The following WDSUB1 variants were observed in gnomAD, a reference collection of about 807,000 sequenced individuals.
WDSUB1 encodes the protein WD repeat, SAM and U-box domain-containing protein 1.
Under a neutral mutation model 53.9 loss-of-function variants are expected in WDSUB1, and 49 were observed. That is an observed-to-expected ratio of 0.91 (90% CI 0.72 to 1.15). WDSUB1 has a LOEUF of 1.15. Ranked by LOEUF, WDSUB1 falls within the 50% of genes most tolerant of loss-of-function variation. WDSUB1 has a pLI of 0.00. For synonymous variants in WDSUB1, 194 were observed against 200.6 expected (o/e 0.97, Z 0.28); for missense variants, 514 against 562.0 (o/e 0.91, Z 0.86).
chr2:159,259,824 T>C lies in WDSUB1; in HGVS notation c.790A>G (p.Ile264Val), dbSNP rs752424863. 84 of 1,529,092 alleles carry C rather than the reference T, an allele frequency of 5.5e-5. No homozygotes were observed. Among genetic ancestry groups the C allele is most frequent in the Non-Finnish European group, 7.0e-5 (79 of 1,122,692 alleles). 94.7% of individuals were successfully genotyped at this position (1,529,092 alleles called of 1,614,324 possible). Reference sequence around the variant, plus strand: ...TAAATACTTACAGTATCATATACTATGACAGACTTATCCACTGACCTTAAA... The same window carrying C: ...TAAATACTTACAGTATCATATACTACGACAGACTTATCCACTGACCTTAAA... ...LVSGSVDKSV[I>V]VYDTNTENIL... The change falls in exon 6 of 11, where the codon ATA becomes GTA. Residue 264 changes from isoleucine (I) to valine (V), a missense_variant. Coordinates refer to ENST00000359774, the MANE Select transcript of WDSUB1 (RefSeq NM_001128212.3).
chr2:159,268,378 G>A (rs1317420402), intron 5 of WDSUB1, among the ~76,000 whole-genome samples: 1 of 152,172 alleles, frequency 6.6e-6, no homozygotes, highest in Non-Finnish European at 1.5e-5. Flanking sequence ...ACTTTCCAAT[G>A]ATTTAAATTC....
At chr2:159,261,627 G>A (rs1338689306) in intron 5 of WDSUB1, among the ~76,000 whole-genome samples, 1 of 151,704 alleles carries the variant, frequency 6.6e-6, no homozygotes, top group Non-Finnish European at 1.5e-5. Context: ...CACAACTAAA[G>A]AGTGATGTCA....
rs1419574975 is a variant in WDSUB1, at chr2:159,282,988, A to C, written c.82T>G (p.Cys28Gly). The C allele has an allele frequency of 1.9e-6, 3 of 1,614,110 alleles. No individual in the cohort carries two copies. The African/African-American group carries it at 4.0e-5, about 22-fold the overall frequency. The change falls in exon 2 of 11, where the codon TGC becomes GGC. Residue 28 changes from cysteine (C) to glycine (G), a missense_variant. Transcript: ENST00000359774. Reference protein sequence around the residue: ...CAFSFSLLATCSLDKTIRLYS... With the variant: ...CAFSFSLLATGSLDKTIRLYS... The stretch of plus-strand genomic sequence containing the variant: ...AGGCGAATTGTTTTGTCCAAGGAGC[A>C]AGTAGCCAAGAGGGAAAAGGAGAAG...
At chr2:159,265,752 T>C (rs577544321) in intron 5 of WDSUB1, among the ~76,000 whole-genome samples, 82 of 152,264 alleles carry the variant, frequency 5.4e-4, no homozygotes, top group African/African-American at 1.9e-3. Flanking sequence ...CTGATATATA[T>C]AATGTTTGTT....
chr2:159,259,787 C>T, intron 6 of WDSUB1, 23 bp downstream of exon 6: 1 of 1,513,240 alleles, frequency 6.6e-7, no homozygotes, highest in Non-Finnish European at 9.0e-7. Flanking sequence ...TCATAGATCA[C>T]CACAAGATTT....
intron 10 of WDSUB1, among the ~76,000 whole-genome samples, chr2:159,240,293 G>T (rs943003125): frequency 5.9e-5 from 9 of 152,090 alleles, no homozygotes; most frequent in African/African-American, 2.2e-4. Flanking sequence ...TGGACATCTG[G>T]GTTGTTTCCA....
intron 5 of WDSUB1, among the ~76,000 whole-genome samples, chr2:159,266,569 C>A (rs6761921): frequency 0.27 from 40,986 of 152,050 alleles, 7,079 homozygotes; most frequent in Admixed American, 0.46. Context: ...TGATTCAATT[C>A]TTCACTTCTC....
intron 10 of WDSUB1, among the ~76,000 whole-genome samples, chr2:159,243,256 T>C (rs771838583): frequency 3.4e-5 from 5 of 148,142 alleles, no homozygotes; most frequent in Admixed American, 1.3e-4. Context: ...TCCACTGATA[T>C]ACCATTTTTG....
intron 5 of WDSUB1, among the ~76,000 whole-genome samples, chr2:159,263,234 G>A (rs2303337): frequency 0.35 from 53,494 of 152,046 alleles, 12,391 homozygotes; most frequent in Non-Finnish European, 0.54. Flanking sequence ...ACAATCACTA[G>A]CAATTATTTC....
At chr2:159,260,639 A>G (rs1022800580) in intron 5 of WDSUB1, among the ~76,000 whole-genome samples, 1 of 152,234 alleles carries the variant, frequency 6.6e-6, no homozygotes, top group Non-Finnish European at 1.5e-5. Context: ...GTAATGGTAT[A>G]AAAATTAAAA....
intron 10 of WDSUB1, among the ~76,000 whole-genome samples, chr2:159,243,659 A>G (rs2060716734): frequency 6.6e-6 from 1 of 152,214 alleles, no homozygotes; most frequent in Non-Finnish European, 1.5e-5. Flanking sequence ...ACAATAGGAA[A>G]AAGTAAGGCT....
At chr2:159,241,169 G>A (rs919564498) in intron 10 of WDSUB1, among the ~76,000 whole-genome samples, 4 of 152,198 alleles carry the variant, frequency 2.6e-5, no homozygotes, top group African/African-American at 9.7e-5. Context: ...TATATGTTCA[G>A]AATAGACCTG....
intron 3 of WDSUB1, among the ~76,000 whole-genome samples, chr2:159,276,987 G>A (rs893579442): frequency 2.0e-5 from 3 of 152,144 alleles, no homozygotes; most frequent in Admixed American, 2.0e-4. Context: ...CCTGGATGAC[G>A]GAGCAAGACC....
chr2:159,282,394 A>G (rs1004524080), intron 2 of WDSUB1, among the ~76,000 whole-genome samples: 8 of 152,170 alleles, frequency 5.3e-5, no homozygotes, highest in Admixed American at 6.5e-5. Flanking sequence ...GGGTTTCACC[A>G]TGTTAGCCAG....
chr2:159,267,637 T>C (rs976995629), intron 5 of WDSUB1, among the ~76,000 whole-genome samples: 3 of 152,212 alleles, frequency 2.0e-5, no homozygotes, highest in Non-Finnish European at 4.4e-5. Context: ...AACCACATTC[T>C]GCTGTCCATT....
chr2:159,237,459 T>G (rs994331890), intron 10 of WDSUB1, among the ~76,000 whole-genome samples: 5 of 151,580 alleles, frequency 3.3e-5, no homozygotes, highest in Admixed American at 2.0e-4. Flanking sequence ...AGACAGAGGT[T>G]GCAGTGAGCT....
intron 5 of WDSUB1, among the ~76,000 whole-genome samples, chr2:159,270,036 G>A (rs1159233856): frequency 2.6e-5 from 4 of 152,118 alleles, no homozygotes; most frequent in Admixed American, 2.6e-4. Flanking sequence ...GATTAGAAAG[G>A]AAGGAACAAA....
At chr2:159,285,001 G>T (rs1384497343) in intron 1 of WDSUB1, among the ~76,000 whole-genome samples, 1 of 152,108 alleles carries the variant, frequency 6.6e-6, no homozygotes, top group Admixed American at 6.6e-5. Context: ...CACTCCCTAG[G>T]CTAGCACATC....
In WDSUB1 at chr2:159,279,767, C is replaced by G. The variant is rs761035024; in HGVS notation, c.577G>C (p.Val193Leu). The change falls in exon 3 of 11, where the codon GTT becomes CTT. Residue 193 changes from valine to leucine, a missense_variant. Transcript: ENST00000359774. Reference sequence around the variant, plus strand: ...AAAGAATAAAATAACCAACCAGAAACTGGCTGTGAAGAAAAATCGCAGCAG... The same window carrying G: ...AAAGAATAAAATAACCAACCAGAAAGTGGCTGTGAAGAAAAATCGCAGCAG... ...ITCCDFSSQP[V>L]SDGEQGLQFF... 2 of 1,602,382 alleles carry G rather than the reference C, an allele frequency of 1.2e-6. No individual in the cohort carries two copies. The highest frequency in any genetic ancestry group is 2.2e-5 in the South Asian group (2 of 89,118).
Sources: allele counts gnomAD v4.1 joint callset (sites outside exome capture counted in the v4.1 genomes callset), GRCh38; gene constraint gnomAD v4.1.1; transcripts MANE v1.5; gene names NCBI Gene and HGNC (gene_info 2026-07-23, HGNC 2026-07-21).